The following EBF1 variants were observed in gnomAD, a reference collection of about 807,000 sequenced individuals.
EBF1 encodes transcription factor COE1.
EBF1 carries 10 observed loss-of-function variants against 68.4 expected under a neutral mutation model. The observed-to-expected ratio is 0.15, with a 90% CI of 0.09 to 0.25. The LOEUF is 0.25. Ranked by LOEUF, EBF1 falls within the 10% of genes least tolerant of loss-of-function variation. The pLI, the probability that EBF1 is intolerant of heterozygous loss-of-function variation, is 1.00. For missense variants in EBF1, 509 were observed against 794.4 expected, an observed-to-expected ratio of 0.64 and a Z score of 4.32; for synonymous variants, 298 against 299.8, an observed-to-expected ratio of 0.99 and a Z score of 0.06.
chr5:158,704,674 A>G (rs1297237196), intron 15 of EBF1, among the ~76,000 whole-genome samples: 1 of 151,958 alleles, frequency 6.6e-6, no homozygotes, highest in Non-Finnish European at 1.5e-5. Context: ...TTAAAGATGA[A>G]GTAATTCTCT....
intron 8 of EBF1, among the ~76,000 whole-genome samples, chr5:158,819,025 C>T (rs527347112): frequency 2.3e-4 from 35 of 151,624 alleles, no homozygotes; most frequent in African/African-American, 5.8e-4. Flanking sequence ...AGCTCTAGAA[C>T]GTGCTCACAT....
intron 6 of EBF1, among the ~76,000 whole-genome samples, chr5:158,943,240 C>G (rs1413246260): frequency 1.3e-5 from 2 of 152,032 alleles, no homozygotes; most frequent in Non-Finnish European, 2.9e-5. Flanking sequence ...TCTAACTAGA[C>G]AGTCTTTAGG....
intron 6 of EBF1, among the ~76,000 whole-genome samples, chr5:159,027,174 T>C (rs1236152419): frequency 1.3e-5 from 2 of 152,198 alleles, no homozygotes; most frequent in African/African-American, 4.8e-5. Context: ...AAGAAATTCC[T>C]ACCTGTACAC....
At chr5:158,857,939 C>T (rs1216519472) in intron 6 of EBF1, among the ~76,000 whole-genome samples, 2 of 152,204 alleles carry the variant, frequency 1.3e-5, no homozygotes, top group African/African-American at 2.4e-5. Context: ...TGTTTAATTA[C>T]TTTCCTTAAC....
intron 6 of EBF1, among the ~76,000 whole-genome samples, chr5:159,027,417 G>A (rs1034028934): frequency 6.6e-6 from 1 of 152,094 alleles, no homozygotes; most frequent in Non-Finnish European, 1.5e-5. Flanking sequence ...ACCAGGTTAG[G>A]CTGCCCTAAC....
At chr5:158,874,792 G>T (rs1797503413) in intron 6 of EBF1, among the ~76,000 whole-genome samples, 1 of 152,016 alleles carries the variant, frequency 6.6e-6, no homozygotes, top group Non-Finnish European at 1.5e-5. Context: ...GGAAAAAAAA[G>T]GCCAGTGTTT....
intron 1 of EBF1, among the ~76,000 whole-genome samples, chr5:159,098,477 C>T (rs746341704): frequency 2.7e-5 from 4 of 150,040 alleles, no homozygotes; most frequent in African/African-American, 7.4e-5. Flanking sequence ...GGAAGGAGAA[C>T]GAGATAGCAG....
At chr5:159,026,667 G>A (rs1177070969) in intron 6 of EBF1, among the ~76,000 whole-genome samples, 1 of 152,160 alleles carries the variant, frequency 6.6e-6, no homozygotes. Flanking sequence ...TAGAAGGCAT[G>A]CATGTTCTCA....
chr5:158,906,593 GTC>G (rs2127333580), intron 6 of EBF1, among the ~76,000 whole-genome samples: 1 of 152,292 alleles, frequency 6.6e-6, no homozygotes, highest in African/African-American at 2.4e-5. Flanking sequence ...TCTGTACTTG[GTC>G]TTACTGAATT....
chr5:158,743,291 G>A (rs537039441), intron 10 of EBF1, among the ~76,000 whole-genome samples: 1 of 152,168 alleles, frequency 6.6e-6, no homozygotes, highest in Non-Finnish European at 1.5e-5. Flanking sequence ...AGCATTCCAG[G>A]CAATAGGAAC....
intron 4 of EBF1, among the ~76,000 whole-genome samples, chr5:159,094,189 A>AC (rs1264451440): frequency 6.8e-6 from 1 of 147,052 alleles, no homozygotes; most frequent in Non-Finnish European, 1.5e-5. Context: ...AAAAAAAAAA[A>AC]AAAAACACAG....
chr5:158,959,938 T>C (rs981877218), intron 6 of EBF1, among the ~76,000 whole-genome samples: 1 of 152,180 alleles, frequency 6.6e-6, no homozygotes, highest in African/African-American at 2.4e-5. Flanking sequence ...CAGAAAGCCA[T>C]GTGCCTATAT....
At chr5:158,998,380 C>T (rs1223646430) in intron 6 of EBF1, among the ~76,000 whole-genome samples, 1 of 152,152 alleles carries the variant, frequency 6.6e-6, no homozygotes, top group African/African-American at 2.4e-5. Context: ...GCCTTATTTT[C>T]CTTTACGACA....
intron 10 of EBF1, among the ~76,000 whole-genome samples, chr5:158,750,594 T>G (rs1581574034): frequency 6.6e-6 from 1 of 152,244 alleles, no homozygotes; most frequent in East Asian, 1.9e-4. Context: ...AGCTTTAATA[T>G]TCTCACTTTA....
At chr5:158,981,237 C>G (rs1217762387) in intron 6 of EBF1, among the ~76,000 whole-genome samples, 1 of 150,792 alleles carries the variant, frequency 6.6e-6, no homozygotes, top group African/African-American at 2.4e-5. Context: ...TGTTTTGAGA[C>G]AAGAACAAAT....
intron 13 of EBF1, 122 bp downstream of exon 13, chr5:158,712,848 T>C (rs12520521): frequency 0.15 from 146,872 of 996,372 alleles, 11,577 homozygotes; most frequent in African/African-American, 0.17. Flanking sequence ...CTTATACACA[T>C]AAACTAAGAA....
At position 158,920,582 on chromosome 5, in the gene EBF1, C is replaced by CTT. The variant is rs576349439; in HGVS notation, c.555-80474_555-80473dup. Among the ~76,000 whole-genome samples the CTT allele has an allele frequency of 4.7e-4, 69 of 147,468 alleles. 1 individual carries two copies. The highest frequency in any genetic ancestry group is 1.5e-3 in the African/African-American group (61 of 40,490). On this transcript the variant is annotated intron_variant, in intron 6 of 15. Transcript: ENST00000313708. Reference sequence around the variant, plus strand: ...AATGCCAAGGGAACTTTTCTTTCTTCTTTTTTTTTTTAAAGAAACACAGTC... The same window carrying CTT: ...AATGCCAAGGGAACTTTTCTTTCTTCTTTTTTTTTTTTTAAAGAAACACAGTC...
chr5:158,726,321 T>A (rs1360291367), intron 11 of EBF1, among the ~76,000 whole-genome samples: 1 of 152,124 alleles, frequency 6.6e-6, no homozygotes, highest in East Asian at 1.9e-4. Flanking sequence ...ACATGCTTCA[T>A]AAAAGATGAA....
At chr5:158,945,305 C>G (rs1230715894) in intron 6 of EBF1, among the ~76,000 whole-genome samples, 1 of 152,118 alleles carries the variant, frequency 6.6e-6, no homozygotes, top group Non-Finnish European at 1.5e-5. Flanking sequence ...GACAGTTTTC[C>G]CAACGCCATT....
Sources: gnomAD v4.1 joint callset for allele counts (sites outside exome capture counted in the v4.1 genomes callset) on GRCh38, gnomAD v4.1.1 for gene constraint, MANE v1.5 for transcripts, NCBI Gene and HGNC (gene_info 2026-07-23, HGNC 2026-07-21) for gene names.